STIM2: variants seen among roughly 807,000 people sequenced by gnomAD.
STIM2 encodes stromal interaction molecule 2.
A neutral mutation model predicts 85.8 loss-of-function variants in STIM2; 31 were observed. That is an observed-to-expected ratio of 0.36 (90% CI 0.27 to 0.49). The LOEUF (loss-of-function observed/expected upper bound fraction) is 0.49. Among genes scored for constraint, STIM2 ranks in the 20% least tolerant of loss-of-function variants. STIM2 has a pLI of 0.98. For synonymous variants in STIM2, 356 were observed against 331.1 expected (o/e 1.08, Z -0.82); for missense variants, 841 against 927.6 (o/e 0.91, Z 1.21).
At chr4:26,969,678 T>C (rs1726859120) in intron 3 of STIM2, among the ~76,000 whole-genome samples, 1 of 152,206 alleles carries the variant, frequency 6.6e-6, no homozygotes, top group Admixed American at 6.5e-5. Flanking sequence ...GACCTTAGAC[T>C]GCATTATCTT....
chr4:26,906,055 T>G (rs942076563), intron 1 of STIM2, among the ~76,000 whole-genome samples: 1 of 152,182 alleles, frequency 6.6e-6, no homozygotes, highest in African/African-American at 2.4e-5. Flanking sequence ...TTTTGATCAT[T>G]ATTTTTTAAA....
chr4:26,915,908 G>A (rs57810647), intron 1 of STIM2, among the ~76,000 whole-genome samples: 4,393 of 152,252 alleles, frequency 0.029, 132 homozygotes, highest in African/African-American at 0.079. Flanking sequence ...TTAAATTAGC[G>A]AGTGAATTCT....
intron 3 of STIM2, among the ~76,000 whole-genome samples, chr4:26,989,085 C>G (rs1727678137): frequency 6.6e-6 from 1 of 152,084 alleles, no homozygotes; most frequent in South Asian, 2.1e-4. Context: ...CAGGTATTTA[C>G]CACTATGCCT....
chr4:26,930,783 A>T (rs1171015337), intron 2 of STIM2, among the ~76,000 whole-genome samples: 1 of 152,208 alleles, frequency 6.6e-6, no homozygotes, highest in East Asian at 1.9e-4. Context: ...AAGATTAAAT[A>T]CATATATTTT....
chr4:26,958,669 A>G (rs1029659268), intron 3 of STIM2, among the ~76,000 whole-genome samples: 1 of 151,452 alleles, frequency 6.6e-6, no homozygotes, highest in Non-Finnish European at 1.5e-5. Flanking sequence ...CACTTAAAAG[A>G]AAAATATATA....
chr4:26,932,458 A>G (rs575222757), intron 2 of STIM2, among the ~76,000 whole-genome samples: 1 of 152,322 alleles, frequency 6.6e-6, no homozygotes, highest in East Asian at 1.9e-4. Context: ...GTTAGTACTG[A>G]CACTAAACTT....
chr4:26,880,622 A>C (rs1046108904), intron 1 of STIM2, among the ~76,000 whole-genome samples: 3 of 146,392 alleles, frequency 2.0e-5, no homozygotes, highest in African/African-American at 7.5e-5. Context: ...TATATATGTA[A>C]ATATATATAT....
At chr4:26,911,340 T>G (rs1724332417) in intron 1 of STIM2, among the ~76,000 whole-genome samples, 1 of 152,202 alleles carries the variant, frequency 6.6e-6, no homozygotes, top group African/African-American at 2.4e-5. Flanking sequence ...GGGGAACTTT[T>G]AGCTAACAAT....
intron 9 of STIM2, 85 bp downstream of exon 9, chr4:27,008,613 A>G: frequency 9.0e-7 from 1 of 1,114,948 alleles, no homozygotes; most frequent in South Asian, 1.6e-5. Flanking sequence ...TTTATCATTT[A>G]TATAATTACA....
At chr4:27,013,251 G>A (rs375626421) in intron 10 of STIM2, among the ~76,000 whole-genome samples, 3 of 150,786 alleles carry the variant, frequency 2.0e-5, no homozygotes, top group African/African-American at 2.4e-5. Context: ...AAGGTATTTC[G>A]AGGTGGGGGT....
At chr4:26,918,839 G>A (rs1244101612) in intron 1 of STIM2, among the ~76,000 whole-genome samples, 1 of 152,172 alleles carries the variant, frequency 6.6e-6, no homozygotes, top group African/African-American at 2.4e-5. Flanking sequence ...GGAAAGGGTT[G>A]ACCAGTAAAT....
intron 2 of STIM2, among the ~76,000 whole-genome samples, chr4:26,950,708 T>C (rs10004120): frequency 0.27 from 41,180 of 152,064 alleles, 5,696 homozygotes; most frequent in East Asian, 0.42. Flanking sequence ...GTCTCAGTTA[T>C]TCTGTTATAG....
At chr4:26,963,367 T>C (rs1726555701) in intron 3 of STIM2, among the ~76,000 whole-genome samples, 2 of 152,174 alleles carry the variant, frequency 1.3e-5, no homozygotes, top group African/African-American at 4.8e-5. Context: ...AAGTGTATGA[T>C]GTTGGTTGCA....
chr4:26,875,494 A>G (rs975383119), intron 1 of STIM2, among the ~76,000 whole-genome samples: 24 of 152,180 alleles, frequency 1.6e-4, no homozygotes, highest in African/African-American at 5.8e-4. Context: ...GTTAATAATT[A>G]GGATTATTTT....
intron 3 of STIM2, among the ~76,000 whole-genome samples, chr4:26,978,209 A>G (rs1389067535): frequency 6.6e-6 from 1 of 150,410 alleles, no homozygotes; most frequent in East Asian, 1.9e-4. Flanking sequence ...AATTTTTTTT[A>G]AATGATAGGA....
intron 3 of STIM2, among the ~76,000 whole-genome samples, chr4:26,972,761 C>A (rs181758978): frequency 2.0e-5 from 3 of 152,070 alleles, no homozygotes; most frequent in Non-Finnish European, 2.9e-5. Context: ...TCATAAAATG[C>A]GTTAGGGAGG....
At chr4:26,895,031 G>A (rs1049109814) in intron 1 of STIM2, among the ~76,000 whole-genome samples, 6 of 152,226 alleles carry the variant, frequency 3.9e-5, no homozygotes, top group African/African-American at 1.2e-4. Flanking sequence ...GGCCAACATG[G>A]TGAAACTTCG....
rs1465786907 is a variant in STIM2 at position 26,999,496 on chromosome 4, T to C, written c.625+149T>C. 9 of 349,254 alleles carry C rather than the reference T, an allele frequency of 2.6e-5. No individual in the cohort carries two copies. The East Asian group carries it at 4.2e-4, about 16-fold the overall frequency. 21.6% of individuals were successfully genotyped at this position (349,254 alleles called of 1,614,324 possible). ...GAAGTGTAATACTACCTTAAAAGAT[T>C]TATAAGATAGGATTTTCTGTCATTG... is the stretch of plus-strand genomic sequence containing the variant. On this transcript the variant is annotated intron_variant, in intron 5 of 11. Transcript: ENST00000467087.
intron 1 of STIM2, among the ~76,000 whole-genome samples, chr4:26,906,399 A>T (rs921897675): frequency 1.3e-5 from 2 of 150,910 alleles, no homozygotes; most frequent in South Asian, 2.1e-4. Flanking sequence ...TGTGTAACAA[A>T]CCTGCTGATG....
Sources: allele counts gnomAD v4.1 joint callset (sites outside exome capture counted in the v4.1 genomes callset), GRCh38; gene constraint gnomAD v4.1.1; transcripts MANE v1.5; gene names NCBI Gene and HGNC (gene_info 2026-07-23, HGNC 2026-07-21).